WWOX: variants seen among roughly 807,000 people sequenced by gnomAD.
WWOX encodes WW domain-containing oxidoreductase.
WWOX carries 69 observed loss-of-function variants against 46.2 expected under a neutral mutation model. That is an observed-to-expected ratio of 1.49 (90% confidence interval 1.23 to 1.82). The LOEUF (loss-of-function observed/expected upper bound fraction) is 1.82, where lower values mean the gene tolerates loss of function less well. Among genes scored for constraint, WWOX ranks in the 40% most tolerant of loss-of-function variants. The probability of loss-of-function intolerance (pLI) is 0.00; values close to 1 mark genes in which losing one functional copy is unlikely to be tolerated. For synonymous variants in WWOX, 359 were observed against 202.6 expected, an observed-to-expected ratio of 1.77 and a Z score of -6.56; for missense variants, 919 against 542.6, an observed-to-expected ratio of 1.69 and a Z score of -6.89.
chr16:78,924,546 T>C (rs1479674263), intron 8 of WWOX, among the ~76,000 whole-genome samples: 9 of 152,202 alleles, frequency 5.9e-5, no homozygotes, highest in Admixed American at 1.3e-4. Flanking sequence ...AGTTTCCTTA[T>C]CTGTAAAATC....
chr16:78,482,993 T>A (rs1342047231), intron 8 of WWOX, among the ~76,000 whole-genome samples: 1 of 152,124 alleles, frequency 6.6e-6, no homozygotes, highest in Non-Finnish European at 1.5e-5. Context: ...GGGCCCACTT[T>A]AAGAAAAGGA....
At chr16:78,710,211 G>A (rs553507734) in intron 8 of WWOX, among the ~76,000 whole-genome samples, 22 of 151,908 alleles carry the variant, frequency 1.4e-4, no homozygotes, top group South Asian at 6.2e-4. Flanking sequence ...ACCCAGTGGC[G>A]TGCACACTTG....
intron 8 of WWOX, among the ~76,000 whole-genome samples, chr16:78,753,362 C>G (rs930309213): frequency 6.6e-6 from 1 of 152,092 alleles, no homozygotes; most frequent in Non-Finnish European, 1.5e-5. Context: ...AGGCAACTCT[C>G]ATTTCATTAT....
intron 8 of WWOX, among the ~76,000 whole-genome samples, chr16:78,968,104 C>CGCATGGTCCGCGTGGCACAGT (rs2046397626): frequency 9.6e-5 from 7 of 73,214 alleles, no homozygotes; most frequent in African/African-American, 2.9e-4. Context: ...CATGGCACAG[C>CGCATGGTCCGCGTGGCACAGT]GCGTGGTCCG....
chr16:78,155,810 C>T (rs547769174), intron 4 of WWOX, among the ~76,000 whole-genome samples: 42 of 152,244 alleles, frequency 2.8e-4, no homozygotes, highest in African/African-American at 8.9e-4. Flanking sequence ...TTAAACTGGC[C>T]GTCAGCTGCA....
At chr16:78,696,265 A>G (rs954491378) in intron 8 of WWOX, among the ~76,000 whole-genome samples, 3 of 152,150 alleles carry the variant, frequency 2.0e-5, no homozygotes, top group African/African-American at 7.2e-5. Context: ...TCTTTGCCAC[A>G]TCACGGGATT....
At chr16:79,096,918 G>C (rs751881060) in intron 8 of WWOX, among the ~76,000 whole-genome samples, 1 of 152,178 alleles carries the variant, frequency 6.6e-6, no homozygotes, top group Non-Finnish European at 1.5e-5. Flanking sequence ...GAAAGGATCA[G>C]GGTCGGGTGG....
intron 8 of WWOX, among the ~76,000 whole-genome samples, chr16:78,467,636 C>T (rs1423805894): frequency 1.3e-5 from 2 of 152,164 alleles, no homozygotes; most frequent in African/African-American, 4.8e-5. Flanking sequence ...GAAAATATAA[C>T]TGTAACTTGG....
At chr16:79,201,278 T>A (rs1413522610) in intron 8 of WWOX, among the ~76,000 whole-genome samples, 1 of 152,112 alleles carries the variant, frequency 6.6e-6, no homozygotes, top group Non-Finnish European at 1.5e-5. Context: ...TGATTCTCAC[T>A]TGATAGAGGT....
At chr16:78,658,810 G>C (rs1184113413) in intron 8 of WWOX, among the ~76,000 whole-genome samples, 3 of 151,816 alleles carry the variant, frequency 2.0e-5, no homozygotes, top group African/African-American at 7.3e-5. Flanking sequence ...CACATGCTAG[G>C]GCTGGGCACG....
chr16:78,746,689 C>A (rs1231185545), intron 8 of WWOX, among the ~76,000 whole-genome samples: 2 of 151,904 alleles, frequency 1.3e-5, no homozygotes, highest in Admixed American at 1.3e-4. Context: ...GCATTTTTCC[C>A]ATAGCCAATG....
intron 8 of WWOX, among the ~76,000 whole-genome samples, chr16:79,024,683 C>T (rs1394128199): frequency 6.6e-6 from 1 of 152,130 alleles, no homozygotes; most frequent in Non-Finnish European, 1.5e-5. Context: ...GATCTGCCCA[C>T]CTCGGCCTCC....
At chr16:78,848,997 A>G (rs75244456) in intron 8 of WWOX, among the ~76,000 whole-genome samples, 6,620 of 152,306 alleles carry the variant, frequency 0.043, 182 homozygotes, top group Non-Finnish European at 0.063. Flanking sequence ...ACTCGCAAAG[A>G]CATAGTTACC....
chr16:78,853,905 T>C (rs1014527981), intron 8 of WWOX, among the ~76,000 whole-genome samples: 1 of 152,244 alleles, frequency 6.6e-6, no homozygotes, highest in Non-Finnish European at 1.5e-5. Flanking sequence ...GACATTGATG[T>C]AATTTAAAAT....
intron 8 of WWOX, among the ~76,000 whole-genome samples, chr16:79,176,424 A>G (rs1408142842): frequency 6.6e-6 from 1 of 152,234 alleles, no homozygotes; most frequent in Non-Finnish European, 1.5e-5. Flanking sequence ...AATATCCTCT[A>G]GCCCTTTGCT....
At position 78,857,102 on chromosome 16, in the gene WWOX, C is replaced by T. The variant is rs992821333; in HGVS notation, c.1057-354506C>T. 9.2e-5 allele frequency among the ~76,000 whole-genome samples: 14 copies of T among 152,276 alleles called. 1 individual carries two copies. Among genetic ancestry groups the T allele is most frequent in the Admixed American group, 7.8e-4 (12 of 15,306 alleles). On this transcript the variant is annotated intron_variant, in intron 8 of 8. Transcript: ENST00000566780. ...ATTGCATATGTGGTTCATTGTTGAT[C>T]AAAATGTCATTATGCAGTGTGTGAT... is the stretch of plus-strand genomic sequence containing the variant.
At chr16:78,516,601 C>T (rs1279238325) in intron 8 of WWOX, among the ~76,000 whole-genome samples, 1 of 152,088 alleles carries the variant, frequency 6.6e-6, no homozygotes, top group Non-Finnish European at 1.5e-5. Flanking sequence ...ATTTTGTTCC[C>T]CAGCCATCGT....
At chr16:78,776,968 G>C (rs1002133756) in intron 8 of WWOX, among the ~76,000 whole-genome samples, 4 of 152,168 alleles carry the variant, frequency 2.6e-5, no homozygotes, top group African/African-American at 7.2e-5. Flanking sequence ...AGATTTGGGT[G>C]GGGACACAGC....
chr16:78,367,273 C>G (rs544244830), intron 5 of WWOX, among the ~76,000 whole-genome samples: 9 of 152,118 alleles, frequency 5.9e-5, no homozygotes, highest in Non-Finnish European at 1.2e-4. Context: ...GCCACCGCAC[C>G]CAGCCGAAAA....
Sources: gnomAD v4.1 joint callset for allele counts (sites outside exome capture counted in the v4.1 genomes callset) on GRCh38, gnomAD v4.1.1 for gene constraint, MANE v1.5 for transcripts, NCBI Gene and HGNC (gene_info 2026-07-23, HGNC 2026-07-21) for gene names.